Variants in LHX4 observed in about 807,000 individuals in gnomAD.
LHX4 encodes the protein LIM homeobox 4.
Under a neutral mutation model 39.2 loss-of-function variants are expected in LHX4, and 16 were observed. The ratio of observed to expected loss-of-function variants is 0.41; its 90% CI spans 0.28 to 0.62. The LOEUF is 0.62. Ranked by LOEUF, LHX4 falls within the 20% of genes least tolerant of loss-of-function variation. The pLI, the probability that LHX4 is intolerant of heterozygous loss-of-function variation, is 0.33. For missense variants in LHX4, 439 were observed against 511.9 expected (o/e 0.86, Z 1.37); for synonymous variants, 206 against 198.1 (o/e 1.04, Z -0.33).
At chr1:180,257,811 G>A (rs903305902) in intron 2 of LHX4, among the ~76,000 whole-genome samples, 6 of 152,180 alleles carry the variant, frequency 3.9e-5, no homozygotes, top group African/African-American at 1.4e-4. Context: ...GGCTGACATG[G>A]GTCCTGGGCT....
chr1:180,266,647 G>A lies in LHX4; in HGVS notation c.451+53G>A, dbSNP rs1423452975. On this transcript the variant is annotated intron_variant, in intron 3 of 5. Coordinates refer to ENST00000263726, the MANE Select transcript of LHX4 (RefSeq NM_033343.4). The surrounding 1 kb of genome is among the most constrained non-coding windows in gnomAD (Gnocchi z 5.7). ...CTCTCCAGGCCTTTGTTTGGGCCAC[G>A]CCCTCTGCCTGAGGTGCCCTTCTCA... 33 of 1,562,734 alleles carry A rather than the reference G, an allele frequency of 2.1e-5. No homozygotes were observed. The highest frequency in any genetic ancestry group is 3.5e-4 in the Middle Eastern group (2 of 5,702).
At chr1:180,260,788 G>C (rs1475092174) in intron 2 of LHX4, among the ~76,000 whole-genome samples, 4 of 151,838 alleles carry the variant, frequency 2.6e-5, no homozygotes, top group Admixed American at 1.3e-4. Context: ...TCGAGCTCCA[G>C]CCTAGGTCAG....
At chr1:180,231,578 GA>G (rs1664181908) in intron 1 of LHX4, among the ~76,000 whole-genome samples, 1 of 134,830 alleles carries the variant, frequency 7.4e-6, no homozygotes, top group Non-Finnish European at 1.6e-5. Context: ...GCGCGCGCGC[GA>G]CAAGCGCCGG....
upstream of LHX4, among the ~76,000 whole-genome samples, chr1:180,229,662 C>A (rs964885225): frequency 6.6e-6 from 1 of 151,722 alleles, no homozygotes; most frequent in Admixed American, 6.6e-5. Flanking sequence ...ACGGAGCGCG[C>A]TCCGTCCGGC....
intron 2 of LHX4, among the ~76,000 whole-genome samples, chr1:180,265,132 T>C (rs560838102): frequency 6.6e-6 from 1 of 152,330 alleles, no homozygotes; most frequent in South Asian, 2.1e-4. Flanking sequence ...TTGGTATTAA[T>C]GTGGATGAAA....
chr1:180,273,989 T>C, intron 5 of LHX4, 196 bp from the exon 6 acceptor site: 1 of 623,564 alleles, frequency 1.6e-6, no homozygotes, highest in South Asian at 1.9e-5. Flanking sequence ...TGCAGGTGTT[T>C]CTTGTTTTTC....
At position 180,234,220 on chromosome 1, in the gene LHX4, T is replaced by TATATATATATATATATATATATAA. The variant is rs1389328209; in HGVS notation, c.76+3616_76+3617insTATATATATATATATATATATAAA. ...ATATATATATATATATATATATATATAATAGATTGAGATTCTATCATATTC... is the reference window on the plus strand; with the variant it reads ...ATATATATATATATATATATATATATATATATATATATATATATATATAAAATAGATTGAGATTCTATCATATTC... On this transcript the variant is annotated intron_variant, in intron 1 of 5. Transcript: ENST00000263726. The surrounding 1 kb of genome is among the most constrained non-coding windows in gnomAD (Gnocchi z 4.8). Among the ~76,000 whole-genome samples the TATATATATATATATATATATATAA allele has an allele frequency of 1.4e-5, 1 of 70,230 alleles. No homozygotes were observed. The highest frequency in any genetic ancestry group is 2.5e-5 in the Non-Finnish European group (1 of 39,546). 46.1% of individuals were successfully genotyped at this position (70,230 alleles called of 152,430 possible). A position where few individuals can be genotyped will look rare whatever the true frequency, so the allele number is the denominator to read the frequency against.
chr1:180,260,545 C>A (rs1648072044), intron 2 of LHX4, among the ~76,000 whole-genome samples: 1 of 151,828 alleles, frequency 6.6e-6, no homozygotes, highest in Non-Finnish European at 1.5e-5. Flanking sequence ...GCACACAAGA[C>A]CTAGTCCTCT....
chr1:180,235,933 G>A (rs1558207992), intron 1 of LHX4, among the ~76,000 whole-genome samples: 1 of 152,186 alleles, frequency 6.6e-6, no homozygotes, highest in Non-Finnish European at 1.5e-5. Flanking sequence ...GAGATCCGAA[G>A]GGTGAAACTA....
chr1:180,274,561 G>A lies in LHX4; in HGVS notation c.1155G>A (p.Met385Ile). The change falls in exon 6 of 6, where the codon ATG becomes ATA. Residue 385 changes from methionine (M) to isoleucine (I), a missense_variant. Physicochemically the swap from Met to Ile is conservative, Grantham distance 10 (BLOSUM62 1). Transcript: ENST00000263726. ...PTSPGSWLDE[M>I]DHPPF ...GCCCAGGCTCTTGGCTCGATGAAAT[G>A]GATCATCCTCCTTTTTAAACTTCTC... 6.3e-7 allele frequency: 1 copy of A among 1,584,070 alleles called. No homozygotes were observed. Among genetic ancestry groups the A allele is most frequent in the Admixed American group, 1.7e-5 (1 of 59,168 alleles).
At chr1:180,262,315 C>T (rs1286085120) in intron 2 of LHX4, among the ~76,000 whole-genome samples, 1 of 150,938 alleles carries the variant, frequency 6.6e-6, no homozygotes, top group Non-Finnish European at 1.5e-5. Flanking sequence ...AAACAGCACA[C>T]CATTCCAAGG....
chr1:180,271,183 T>G (rs1417694894), intron 3 of LHX4, 197 bp from the exon 4 acceptor site: 5 of 652,210 alleles, frequency 7.7e-6, no homozygotes, highest in Non-Finnish European at 1.4e-5. Flanking sequence ...CACTTTTCAG[T>G]GGCTTGGGAA....
chr1:180,261,161 T>C (rs559789181), intron 2 of LHX4, among the ~76,000 whole-genome samples: 12 of 151,360 alleles, frequency 7.9e-5, no homozygotes, highest in South Asian at 2.1e-4. Flanking sequence ...GGGGCCAAGA[T>C]GGGAGGAGGC....
chr1:180,254,937 A>G (rs1647780455), intron 2 of LHX4, among the ~76,000 whole-genome samples: 4 of 152,220 alleles, frequency 2.6e-5, no homozygotes, highest in Admixed American at 2.6e-4. Context: ...CAGGCTGGCA[A>G]GGACGGGGTC....
intron 2 of LHX4, among the ~76,000 whole-genome samples, chr1:180,249,841 C>T (rs1647533494): frequency 6.6e-6 from 1 of 152,012 alleles, no homozygotes; most frequent in East Asian, 1.9e-4. Context: ...CACCACGGTA[C>T]TTTGCTCAGA....
intron 2 of LHX4, among the ~76,000 whole-genome samples, chr1:180,253,551 C>G (rs1367232915): frequency 6.6e-6 from 1 of 152,230 alleles, no homozygotes; most frequent in Non-Finnish European, 1.5e-5. Context: ...TTTTGGTGAA[C>G]CCAAAAGGAG....
At chr1:180,229,973 G>GGGGGGGGCC, upstream of LHX4, among the ~76,000 whole-genome samples, 2 of 143,628 alleles carry the variant, frequency 1.4e-5, no homozygotes. Flanking sequence ...GAGGGGGGGG[G>GGGGGGGGCC]GGTGCCGGCT....
Position 180,253,233 on chromosome 1 carries a change from C to T in LHX4, c.248+4777C>T, listed in dbSNP as rs537526472. Among the ~76,000 whole-genome samples the T allele has an allele frequency of 1.3e-3, 199 of 152,338 alleles. 2 individuals are homozygous for T. The highest frequency in any genetic ancestry group is 4.5e-3 in the African/African-American group (187 of 41,572). ...ACCATGTGTCCAGCATGTCATGGAT[C>T]CTTCTCATGTCTCCTCAAAAAGGGA... On this transcript the variant is annotated intron_variant, in intron 2 of 5. Transcript: ENST00000263726.
At chr1:180,256,568 T>C (rs1480150261) in intron 2 of LHX4, among the ~76,000 whole-genome samples, 1 of 152,168 alleles carries the variant, frequency 6.6e-6, no homozygotes, top group East Asian at 1.9e-4. Context: ...CTTGAGGGAC[T>C]TTGGGACTCT....
Sources: allele counts gnomAD v4.1 joint callset (sites outside exome capture counted in the v4.1 genomes callset), GRCh38; gene constraint gnomAD v4.1.1; non-coding constraint Gnocchi (gnomAD v3.1); transcripts MANE v1.5; gene names NCBI Gene and HGNC (gene_info 2026-07-23, HGNC 2026-07-21).